The following SPEF2 variants were observed in gnomAD, a reference collection of about 807,000 sequenced individuals.
SPEF2 encodes sperm flagella and cilia-associated protein 2.
A neutral mutation model predicts 224.6 loss-of-function variants in SPEF2; 187 were observed. The ratio of observed to expected loss-of-function variants is 0.83; its 90% CI spans 0.74 to 0.94. The LOEUF is 0.94. Ranked by LOEUF, SPEF2 falls within the 40% of genes least tolerant of loss-of-function variation. The pLI is 0.00. For missense variants in SPEF2, 2,170 were observed against 2,135.6 expected (o/e 1.02, Z -0.32); for synonymous variants, 715 against 707.3 (o/e 1.01, Z -0.17).
intron 14 of SPEF2, among the ~76,000 whole-genome samples, chr5:35,696,631 G>C (rs1365663234): frequency 6.6e-6 from 1 of 152,130 alleles, no homozygotes; most frequent in African/African-American, 2.4e-5. Flanking sequence ...GAATACAAAA[G>C]ACAGGATTTC....
chr5:35,743,238 G>A (rs1747964738), intron 23 of SPEF2, among the ~76,000 whole-genome samples: 2 of 151,918 alleles, frequency 1.3e-5, no homozygotes, highest in South Asian at 4.1e-4. Flanking sequence ...CTGAGGAAAG[G>A]AGAAAGGAAT....
intron 30 of SPEF2, among the ~76,000 whole-genome samples, chr5:35,787,147 A>G (rs1755263769): frequency 6.6e-6 from 1 of 152,156 alleles, no homozygotes; most frequent in Non-Finnish European, 1.5e-5. Context: ...CCCTTGTGTG[A>G]CAAATAATCA....
At chr5:35,801,192 C>A (rs554612910) in intron 34 of SPEF2, among the ~76,000 whole-genome samples, 6 of 152,224 alleles carry the variant, frequency 3.9e-5, no homozygotes, top group Non-Finnish European at 7.3e-5. Flanking sequence ...ATTCTGCCTT[C>A]TTTGACAGTA....
At chr5:35,795,532 A>C (rs1431165474) in intron 32 of SPEF2, among the ~76,000 whole-genome samples, 171 bp from the exon 33 acceptor site, 2 of 152,218 alleles carry the variant, frequency 1.3e-5, no homozygotes, top group African/African-American at 4.8e-5. Context: ...ATGAGATAAA[A>C]AGAAATGTAA....
At chr5:35,738,253 A>G (rs767119201) in intron 21 of SPEF2, among the ~76,000 whole-genome samples, 24 of 151,922 alleles carry the variant, frequency 1.6e-4, no homozygotes, top group Non-Finnish European at 2.8e-4. Flanking sequence ...TTTTGTTGCC[A>G]TTGCTTTTGG....
Position 35,695,735 on chromosome 5 carries a change from G to C in SPEF2, c.1976G>C (p.Ser659Thr), listed in dbSNP as rs372421308. 1.2e-6 allele frequency: 2 copies of C among 1,608,962 alleles called. No homozygotes were observed. The highest frequency in any genetic ancestry group is 1.7e-6 in the Non-Finnish European group (2 of 1,177,448). The change falls in exon 14 of 37, where the codon AGT becomes ACT. Residue 659 changes from serine (S) to threonine (T), a missense_variant and splice_region_variant. Coordinates refer to ENST00000356031, the MANE Select transcript of SPEF2 (RefSeq NM_024867.4). The part of the protein sequence containing the change: ...LPETEGETML[S>T]ANADKTPKAE... ...TTCTTACCACTTTTCCTATTGCTAGGTGCTAATGCTGATAAAACACCAAAA... is the reference window on the plus strand; with the variant it reads ...TTCTTACCACTTTTCCTATTGCTAGCTGCTAATGCTGATAAAACACCAAAA...
intron 16 of SPEF2, among the ~76,000 whole-genome samples, chr5:35,703,114 A>T (rs200131410): frequency 2.1e-3 from 70 of 33,014 alleles, no homozygotes; most frequent in African/African-American, 6.6e-3. Flanking sequence ...TTTTTTTTTT[A>T]TTCTCTCTTT....
intron 27 of SPEF2, among the ~76,000 whole-genome samples, chr5:35,772,817 T>G (rs1342036792): frequency 6.6e-6 from 1 of 152,186 alleles, no homozygotes; most frequent in African/African-American, 2.4e-5. Flanking sequence ...AATCTCTCCT[T>G]CATCTGTAAC....
chr5:35,649,471 T>A, intron 6 of SPEF2, 46 bp downstream of exon 6: 2 of 1,402,312 alleles, frequency 1.4e-6, no homozygotes, highest in Non-Finnish European at 2.0e-6. Flanking sequence ...CATTCTGTTC[T>A]ACACATAGCT....
At position 35,800,048 on chromosome 5, in the gene SPEF2, C is replaced by T. The variant is rs767866431; in HGVS notation, c.4911C>T (p.Cys1637=). 6.2e-7 allele frequency: 1 copy of T among 1,614,114 alleles called. No homozygotes were observed. Among genetic ancestry groups the T allele is most frequent in the East Asian group, 2.2e-5 (1 of 44,854 alleles). ...DYTQMLLYFA[C]HPDTVEGVYR... is the part of the protein sequence containing the mutation. ...CACAGATGCTGCTTTACTTTGCTTG[C>T]CACCCAGACACCGTGGAAGGAGTCT... Residue 1637 remains cysteine, a synonymous_variant, in exon 34 of 37, where the codon TGC becomes TGT. Coordinates refer to ENST00000356031, the MANE Select transcript of SPEF2 (RefSeq NM_024867.4).
At chr5:35,630,027 G>A (rs551013464) in intron 2 of SPEF2, among the ~76,000 whole-genome samples, 2 of 152,274 alleles carry the variant, frequency 1.3e-5, no homozygotes, top group South Asian at 2.1e-4. Context: ...AAACCCAATA[G>A]GGCAGTCATT....
chr5:35,787,694 G>T (rs1755356786), intron 30 of SPEF2, among the ~76,000 whole-genome samples: 1 of 152,156 alleles, frequency 6.6e-6, no homozygotes, highest in Admixed American at 6.5e-5. Flanking sequence ...AATGGTTTGT[G>T]AGGATTCTGT....
At chr5:35,620,432 C>A (rs970632079) in intron 1 of SPEF2, among the ~76,000 whole-genome samples, 1 of 152,050 alleles carries the variant, frequency 6.6e-6, no homozygotes, top group African/African-American at 2.4e-5. Context: ...AATAATGATA[C>A]CTCATCTGGT....
At chr5:35,627,330 G>A (rs933239380) in intron 1 of SPEF2, among the ~76,000 whole-genome samples, 1 of 151,930 alleles carries the variant, frequency 6.6e-6, no homozygotes, top group South Asian at 2.1e-4. Flanking sequence ...GGCTGGGCAC[G>A]GTGGCTCATG....
At chr5:35,759,005 C>A (rs375790015) in intron 24 of SPEF2, among the ~76,000 whole-genome samples, 109 of 51,356 alleles carry the variant, frequency 2.1e-3, no homozygotes, top group South Asian at 3.9e-3. Flanking sequence ...GACTCTGTCT[C>A]AAAAAAAAAA....
rs903163376 is a variant in SPEF2, at chr5:35,641,449, T to G, written c.180T>G (p.Leu60=). 1 of 1,613,046 alleles carries G rather than the reference T, an allele frequency of 6.2e-7. No individual in the cohort carries two copies. The highest frequency in any genetic ancestry group is 2.2e-5 in the East Asian group (1 of 44,868). ...FLDSRVSSAK[L]NNFSRLEPTL... ...TGTCCAGGGTTTCAAGTGCCAAACT[T>G]AATAATTTTTCTCGCTTGGAGCCAA... The change falls in exon 3 of 37, where the codon CTT becomes CTG. Residue 60 remains leucine, a synonymous_variant. Coordinates refer to ENST00000356031, the MANE Select transcript of SPEF2 (RefSeq NM_024867.4).
chr5:35,762,970 C>A (rs751023694), intron 25 of SPEF2, among the ~76,000 whole-genome samples: 13 of 152,132 alleles, frequency 8.5e-5, no homozygotes, highest in Non-Finnish European at 1.8e-4. Context: ...AACTTAGCTG[C>A]CTCTGTGCAG....
chr5:35,762,964 T>C lies in SPEF2; in HGVS notation c.3621-558T>C, dbSNP rs1463161867. On this transcript the variant is annotated intron_variant, in intron 25 of 36. Coordinates refer to ENST00000356031, the MANE Select transcript of SPEF2 (RefSeq NM_024867.4). ...GCTACCCCCACCCACCATCAAAACT[T>C]AGCTGCCTCTGTGCAGTACCCCCTT... Among the ~76,000 whole-genome samples, 3 of 152,118 alleles carry C rather than the reference T, an allele frequency of 2.0e-5. No homozygotes were observed. In the East Asian group the frequency reaches 5.8e-4, roughly 29 times the overall value.
At chr5:35,806,208 C>A (rs998193809) in intron 34 of SPEF2, among the ~76,000 whole-genome samples, 1 of 152,158 alleles carries the variant, frequency 6.6e-6, no homozygotes, top group Admixed American at 6.5e-5. Context: ...GTAAAAATCC[C>A]AACCTGATTT....
Sources: gnomAD v4.1 joint callset for allele counts (sites outside exome capture counted in the v4.1 genomes callset) on GRCh38, gnomAD v4.1.1 for gene constraint, MANE v1.5 for transcripts, NCBI Gene and HGNC (gene_info 2026-07-23, HGNC 2026-07-21) for gene names.